Variants in SLX9 observed in about 807,000 individuals in gnomAD.
SLX9 encodes the protein ribosome biogenesis protein SLX9 homolog.
In SLX9, 19 loss-of-function variants were observed where a neutral mutation model predicts 20.8. That is an observed-to-expected ratio of 0.91 (90% CI 0.64 to 1.34). The LOEUF (loss-of-function observed/expected upper bound fraction) is 1.34. Ranked by LOEUF, SLX9 falls within the 40% of genes most tolerant of loss-of-function variation. The pLI is 0.00. For missense variants in SLX9, 299 were observed against 322.2 expected (o/e 0.93, Z 0.55); for synonymous variants, 113 against 137.1 (o/e 0.82, Z 1.23).
intron 2 of SLX9, among the ~76,000 whole-genome samples, chr21:44,952,867 C>G (rs959698884): frequency 6.6e-6 from 1 of 152,256 alleles, no homozygotes; most frequent in Non-Finnish European, 1.5e-5. Context: ...TGGCAGCATC[C>G]TGCTGAGGCC....
At chr21:44,946,541 C>G (rs2084646066) in intron 2 of SLX9, among the ~76,000 whole-genome samples, 1 of 152,246 alleles carries the variant, frequency 6.6e-6, no homozygotes, top group Non-Finnish European at 1.5e-5. Context: ...GCTTTGTGCA[C>G]TGCCCATGGC....
intron 4 of SLX9, among the ~76,000 whole-genome samples, chr21:44,969,655 C>A (rs1221212137): frequency 6.6e-6 from 1 of 152,230 alleles, no homozygotes; most frequent in East Asian, 1.9e-4. Context: ...CATGCAGCTC[C>A]CCCGTCCCCG....
chr21:44,960,013 G>C (rs2084925716), intron 2 of SLX9, 87 bp from the exon 3 acceptor site: 1 of 1,173,296 alleles, frequency 8.5e-7, no homozygotes, highest in Non-Finnish European at 1.3e-6. Context: ...TGGCAGCTCT[G>C]CAGTCAGGAC....
chr21:44,958,672 T>TGAAGCAA (rs2084902107), intron 2 of SLX9, among the ~76,000 whole-genome samples: 3 of 152,222 alleles, frequency 2.0e-5, no homozygotes, highest in Non-Finnish European at 2.9e-5. Flanking sequence ...AAGGGCGCCT[T>TGAAGCAA]GGGCCCGGAA....
chr21:44,969,168 CCAGGCTCGAGGGTGG>C (rs1222396505), intron 4 of SLX9: 4 of 470,676 alleles, frequency 8.5e-6, no homozygotes, highest in Non-Finnish European at 1.8e-5. Flanking sequence ...GCCCAGCTGC[CCAGGCTCGAGGGTGG>C]CAGGTCACGC....
chr21:44,972,781 G>A (rs1220712418), intron 4 of SLX9, among the ~76,000 whole-genome samples: 5 of 152,188 alleles, frequency 3.3e-5, no homozygotes. Context: ...AGGGTCCTTT[G>A]GCCCGAAGTG....
intron 2 of SLX9, among the ~76,000 whole-genome samples, chr21:44,953,512 G>GCGTCCGGGCCTCGGGAGCCTGTCCTGCAC (rs1568933999): frequency 2.6e-5 from 4 of 152,126 alleles, no homozygotes; most frequent in South Asian, 2.1e-4. Flanking sequence ...GTGGGGCCCT[G>GCGTCCGGGCCTCGGGAGCCTGTCCTGCAC]CATCCGGGCC....
chr21:44,968,458 C>T (rs1190452918), intron 4 of SLX9, among the ~76,000 whole-genome samples: 1 of 152,286 alleles, frequency 6.6e-6, no homozygotes, highest in East Asian at 1.9e-4. Context: ...CTGCATGACC[C>T]TCCCTGTCAC....
At chr21:44,975,839 C>T (rs547427227) in intron 5 of SLX9, among the ~76,000 whole-genome samples, 2 of 152,282 alleles carry the variant, frequency 1.3e-5, no homozygotes, top group East Asian at 3.8e-4. Flanking sequence ...CCCCACTGTC[C>T]TCTGTGGCTC....
chr21:44,954,146 T>TGGAGTGTGCCA (rs1462097365), intron 2 of SLX9, among the ~76,000 whole-genome samples: 1 of 152,050 alleles, frequency 6.6e-6, no homozygotes, highest in Non-Finnish European at 1.5e-5. Context: ...GGGGTGGGTG[T>TGGAGTGTGCCA]GGAGTGTGCC....
intron 2 of SLX9, among the ~76,000 whole-genome samples, chr21:44,958,820 G>A (rs2084904832): frequency 6.6e-6 from 1 of 152,218 alleles, no homozygotes; most frequent in South Asian, 2.1e-4. Flanking sequence ...TGGCAATGGG[G>A]CTGGGGAGCT....
In SLX9 at chr21:44,966,822, C is replaced by T. The variant is rs552049090; in HGVS notation, c.353-212C>T. Reference sequence around the variant, plus strand: ...CAGTTCCACCTCATTGTCAGCCCTGCGATTAAAAAGCGCAGCTCTGTCATT... The same window carrying T: ...CAGTTCCACCTCATTGTCAGCCCTGTGATTAAAAAGCGCAGCTCTGTCATT... On this transcript the variant is annotated intron_variant, in intron 3 of 5. Transcript: ENST00000291634. Among the ~76,000 whole-genome samples, 82 of 152,354 alleles carry T rather than the reference C, an allele frequency of 5.4e-4. 1 individual carries two copies. The highest frequency in any genetic ancestry group is 8.4e-4 in the Non-Finnish European group (57 of 68,036).
At chr21:44,963,046 T>C (rs1352164323) in intron 3 of SLX9, among the ~76,000 whole-genome samples, 2 of 152,154 alleles carry the variant, frequency 1.3e-5, no homozygotes, top group Non-Finnish European at 2.9e-5. Flanking sequence ...GATATGTGTT[T>C]TACAGATGTT....
intron 2 of SLX9, among the ~76,000 whole-genome samples, chr21:44,948,876 G>T (rs2084699879): frequency 6.6e-6 from 1 of 152,240 alleles, no homozygotes; most frequent in African/African-American, 2.4e-5. Context: ...ACTGGAGTCA[G>T]GCGTGGAGCG....
intron 2 of SLX9, among the ~76,000 whole-genome samples, chr21:44,947,318 G>A (rs1379060738): frequency 1.3e-5 from 2 of 152,192 alleles, no homozygotes; most frequent in Non-Finnish European, 2.9e-5. Context: ...GTGCAACACC[G>A]CCTTCCCAAG....
At chr21:44,971,437 T>C (rs938528632) in intron 4 of SLX9, among the ~76,000 whole-genome samples, 1 of 151,614 alleles carries the variant, frequency 6.6e-6, no homozygotes, top group Non-Finnish European at 1.5e-5. Context: ...GACGCGTGGG[T>C]GGGGGACGGT....
chr21:44,967,453 C>T (rs1327802461), intron 4 of SLX9, among the ~76,000 whole-genome samples: 2 of 152,166 alleles, frequency 1.3e-5, no homozygotes, highest in African/African-American at 4.8e-5. Flanking sequence ...CCCTCATGTG[C>T]CCCTCCCCCG....
chr21:44,968,492 A>G (rs1012919071), intron 4 of SLX9, among the ~76,000 whole-genome samples: 1 of 152,216 alleles, frequency 6.6e-6, no homozygotes, highest in African/African-American at 2.4e-5. Context: ...CAGCCTGCTG[A>G]TAAGCTGCTG....
chr21:44,959,393 C>A, intron 2 of SLX9: 1 of 334,224 alleles, frequency 3.0e-6, no homozygotes, highest in Non-Finnish European at 4.3e-6. Flanking sequence ...AAACTGGAGT[C>A]AGAGACGCAG....
Sources: gnomAD v4.1 joint callset for allele counts (sites outside exome capture counted in the v4.1 genomes callset) on GRCh38, gnomAD v4.1.1 for gene constraint, MANE v1.5 for transcripts, NCBI Gene and HGNC (gene_info 2026-07-23, HGNC 2026-07-21) for gene names.